UNC13C: variants seen among roughly 807,000 people sequenced by gnomAD.
UNC13C encodes the protein protein unc-13 homolog C.
UNC13C carries 174 observed loss-of-function variants against 245.4 expected under a neutral mutation model. The ratio of observed to expected loss-of-function variants is 0.71; its 90% CI spans 0.63 to 0.80. UNC13C has a LOEUF of 0.80. Ranked by LOEUF, UNC13C falls within the 30% of genes least tolerant of loss-of-function variation. UNC13C has a pLI of 0.00. For synonymous variants in UNC13C, 992 were observed against 895.1 expected (o/e 1.11, Z -1.93); for missense variants, 2,829 against 2,602.9 (o/e 1.09, Z -1.89).
the UNC13C span, among the ~76,000 whole-genome samples, chr15:53,877,008 T>G: frequency 6.6e-6 from 1 of 152,178 alleles, no homozygotes; most frequent in African/African-American, 2.4e-5. Flanking sequence ...CTGAGACCAT[T>G]TATTTTACAT....
intron 4 of UNC13C, among the ~76,000 whole-genome samples, chr15:54,168,757 A>G (rs544533079): frequency 6.6e-6 from 1 of 152,344 alleles, no homozygotes; most frequent in Admixed American, 6.5e-5. Flanking sequence ...TATTGGAAAT[A>G]AAAGTAGAAA....
chr15:53,952,019 A>C, the UNC13C span, among the ~76,000 whole-genome samples: 7 of 152,172 alleles, frequency 4.6e-5, no homozygotes, highest in East Asian at 1.3e-3. Flanking sequence ...ATAGCATCCT[A>C]TACTGCGTTG....
chr15:54,222,846 A>T (rs754814513), intron 4 of UNC13C, among the ~76,000 whole-genome samples: 16 of 152,202 alleles, frequency 1.1e-4, no homozygotes, highest in South Asian at 2.1e-4. Context: ...ATAAACAGTG[A>T]TGTTTGAGCA....
chr15:54,188,793 G>T (rs1234442734), intron 4 of UNC13C, among the ~76,000 whole-genome samples: 1 of 152,074 alleles, frequency 6.6e-6, no homozygotes. Context: ...CCTATTTGAG[G>T]AATTGCATTT....
At position 54,312,942 on chromosome 15, in the gene UNC13C, T is replaced by C. The variant is rs2414298; in HGVS notation, c.4269-8997T>C. On this transcript the variant is annotated intron_variant, in intron 13 of 32. Coordinates refer to ENST00000260323, the MANE Select transcript of UNC13C (RefSeq NM_001080534.3). ...GTTCCTTCCAGAAACTGGGAAATCT[T>C]TGATTGGTAACCTTAATTTCCAATA... 4.3e-4 allele frequency among the ~76,000 whole-genome samples: 66 copies of C among 151,932 alleles called. 1 individual carries two copies. The East Asian group carries it at 0.013, about 30-fold the overall frequency.
intron 2 of UNC13C, among the ~76,000 whole-genome samples, chr15:54,036,974 G>T (rs1339754987): frequency 6.6e-6 from 1 of 152,252 alleles, no homozygotes; most frequent in African/African-American, 2.4e-5. Context: ...GTGCCTGCAT[G>T]AAGGGCAGGA....
At chr15:53,940,499 A>G in the UNC13C span, among the ~76,000 whole-genome samples, 6 of 152,154 alleles carry the variant, frequency 3.9e-5, no homozygotes, top group Non-Finnish European at 5.9e-5. Context: ...AGAAAGGGTA[A>G]TCAAATGAAA....
intron 19 of UNC13C, among the ~76,000 whole-genome samples, chr15:54,424,217 G>A (rs1216595958): frequency 1.3e-5 from 2 of 151,564 alleles, no homozygotes; most frequent in Non-Finnish European, 2.9e-5. Flanking sequence ...AAAAAAAATA[G>A]CTGTGACTAT....
At chr15:54,059,155 A>G (rs999561727) in intron 2 of UNC13C, among the ~76,000 whole-genome samples, 16 of 152,304 alleles carry the variant, frequency 1.1e-4, no homozygotes, top group African/African-American at 3.8e-4. Flanking sequence ...TTCAATTGGG[A>G]AAAGAAGAAG....
At chr15:54,017,618 T>A (rs950236895) in intron 2 of UNC13C, among the ~76,000 whole-genome samples, 1 of 152,150 alleles carries the variant, frequency 6.6e-6, no homozygotes, top group African/African-American at 2.4e-5. Flanking sequence ...GACAAGATGA[T>A]ACATTTCAGA....
At chr15:54,368,444 T>G (rs1429574092) in intron 17 of UNC13C, among the ~76,000 whole-genome samples, 1 of 151,952 alleles carries the variant, frequency 6.6e-6, no homozygotes, top group African/African-American at 2.4e-5. Flanking sequence ...CTGACAAAAG[T>G]GTGGTAGAAA....
chr15:54,585,472 C>T (rs916082690), intron 30 of UNC13C, among the ~76,000 whole-genome samples: 1 of 152,166 alleles, frequency 6.6e-6, no homozygotes, highest in Non-Finnish European at 1.5e-5. Flanking sequence ...AGTCAAATAA[C>T]CCTCTTTTCT....
chr15:54,327,965 C>T (rs1212741338), intron 14 of UNC13C, among the ~76,000 whole-genome samples: 2 of 152,004 alleles, frequency 1.3e-5, no homozygotes, highest in African/African-American at 2.4e-5. Context: ...AAAGAATTTA[C>T]TGTTACAACT....
At chr15:54,515,632 G>A (rs1210605398) in intron 24 of UNC13C, among the ~76,000 whole-genome samples, 9 of 152,126 alleles carry the variant, frequency 5.9e-5, no homozygotes, top group Non-Finnish European at 1.0e-4. Flanking sequence ...TTTAGAAGGT[G>A]CATTAATCCT....
At chr15:54,455,166 T>TCC in intron 19 of UNC13C, among the ~76,000 whole-genome samples, 1 of 16,734 alleles carries the variant, frequency 6.0e-5, no homozygotes, top group Non-Finnish European at 1.2e-4. Flanking sequence ...GTCATATTCC[T>TCC]CTCTCTCTCT....
chr15:54,615,479 G>A (rs1213786075), intron 30 of UNC13C, among the ~76,000 whole-genome samples: 1 of 151,940 alleles, frequency 6.6e-6, no homozygotes, highest in African/African-American at 2.4e-5. Flanking sequence ...CCTTCAAGAT[G>A]TATTATTCCC....
At chr15:54,016,985 A>C (rs763349036) in intron 2 of UNC13C, among the ~76,000 whole-genome samples, 3 of 152,166 alleles carry the variant, frequency 2.0e-5, no homozygotes, top group Non-Finnish European at 4.4e-5. Context: ...GTCTTGACCA[A>C]AGCTGTGATC....
At chr15:54,224,122 C>T (rs998826462) in intron 4 of UNC13C, among the ~76,000 whole-genome samples, 1 of 151,948 alleles carries the variant, frequency 6.6e-6, no homozygotes, top group Non-Finnish European at 1.5e-5. Flanking sequence ...TTTAGTTGCA[C>T]TTTATATCTT....
At chr15:54,588,308 T>A (rs1268648739) in intron 30 of UNC13C, among the ~76,000 whole-genome samples, 4 of 152,224 alleles carry the variant, frequency 2.6e-5, no homozygotes, top group African/African-American at 4.8e-5. Context: ...ACATTATTAA[T>A]TACTTTAAAT....
Sources: allele counts gnomAD v4.1 joint callset (sites outside exome capture counted in the v4.1 genomes callset), GRCh38; gene constraint gnomAD v4.1.1; transcripts MANE v1.5; gene names NCBI Gene and HGNC (gene_info 2026-07-23, HGNC 2026-07-21).